Variants in PRUNE1 observed in about 807,000 individuals in gnomAD.
The protein encoded by PRUNE1 is exopolyphosphatase PRUNE1.
A neutral mutation model predicts 42.5 loss-of-function variants in PRUNE1; 25 were observed. The observed-to-expected ratio is 0.59, with a 90% CI of 0.43 to 0.82. PRUNE1 has a LOEUF of 0.82. PRUNE1 is among the 40% of genes least tolerant of loss of function. The probability of loss-of-function intolerance (pLI) is 0.00; values close to 1 mark genes in which losing one functional copy is unlikely to be tolerated. For missense variants in PRUNE1, 443 were observed against 539.3 expected (o/e 0.82, Z 1.77); for synonymous variants, 203 against 217.1 (o/e 0.93, Z 0.57).
intron 7 of PRUNE1, among the ~76,000 whole-genome samples, chr1:151,029,563 T>G (rs587696278): frequency 1.2e-3 from 187 of 151,564 alleles, no homozygotes; most frequent in African/African-American, 4.3e-3. Flanking sequence ...GAGACGGGGT[T>G]TCACCGTGTT....
chr1:151,024,186 C>CA (rs34553676), intron 3 of PRUNE1, among the ~76,000 whole-genome samples: 3,623 of 108,368 alleles, frequency 0.033, 81 homozygotes, highest in South Asian at 0.1. Flanking sequence ...GACTCCGTCT[C>CA]AAAAAAAAAA....
At chr1:151,013,275 A>C (rs1259683733) in intron 1 of PRUNE1, among the ~76,000 whole-genome samples, 1 of 152,180 alleles carries the variant, frequency 6.6e-6, no homozygotes, top group Non-Finnish European at 1.5e-5. Flanking sequence ...CCGGGGTGAC[A>C]GTGGGTGTTG....
chr1:151,024,802 G>A lies in PRUNE1; in HGVS notation c.520+7G>A. The A allele has an allele frequency of 6.2e-7, 1 of 1,604,700 alleles. No homozygotes were observed. The highest frequency in any genetic ancestry group is 1.3e-5 in the African/African-American group (1 of 74,898). On this transcript the variant is annotated splice_region_variant and intron_variant, in intron 4 of 7. Coordinates refer to ENST00000271620, the MANE Select transcript of PRUNE1 (RefSeq NM_021222.3). ...ACTGCAGCCCTTCTGCATGGTAAGG[G>A]TGGCTTTTGGATTGGGACCTCAGTA...
At chr1:151,025,733 G>A (rs1470239046) in intron 5 of PRUNE1, 60 bp downstream of exon 5, 1 of 1,459,842 alleles carries the variant, frequency 6.9e-7, no homozygotes, top group Non-Finnish European at 9.2e-7. Context: ...GGCAAGCCTT[G>A]TTCATTATAT....
At chr1:151,008,861 T>G (rs910039769) in intron 1 of PRUNE1, 190 bp downstream of exon 1, 3 of 754,286 alleles carry the variant, frequency 4.0e-6, no homozygotes, top group Non-Finnish European at 6.9e-6. Context: ...AGCGTGAGAA[T>G]GCTGCTTGTT....
chr1:151,023,598 C>T (rs1254985202), intron 3 of PRUNE1, among the ~76,000 whole-genome samples: 1 of 150,938 alleles, frequency 6.6e-6, no homozygotes, highest in African/African-American at 2.4e-5. Flanking sequence ...GGCGCCTGTA[C>T]TCCCAGCTAC....
chr1:151,017,637 C>T (rs1482337865), intron 1 of PRUNE1, among the ~76,000 whole-genome samples, 175 bp from the exon 2 acceptor site: 2 of 151,780 alleles, frequency 1.3e-5, no homozygotes, highest in East Asian at 1.9e-4. Context: ...TCAGGAGGAT[C>T]GACTGAACCT....
chr1:151,017,059 C>T (rs1674145197), intron 1 of PRUNE1, among the ~76,000 whole-genome samples: 2 of 141,724 alleles, frequency 1.4e-5, no homozygotes, highest in South Asian at 4.4e-4. Context: ...ACTTGTGAGG[C>T]TGAGGCATGA....
At chr1:151,028,276 G>A (rs760621692) in intron 6 of PRUNE1, among the ~76,000 whole-genome samples, 5 of 152,082 alleles carry the variant, frequency 3.3e-5, no homozygotes, top group Admixed American at 6.6e-5. Flanking sequence ...GTCTTATTCT[G>A]TTGCCCAGGA....
chr1:151,031,193 G>T (rs11204763), intron 7 of PRUNE1, among the ~76,000 whole-genome samples: 93,291 of 119,694 alleles, frequency 0.78, 38,199 homozygotes, highest in Non-Finnish European at 0.9. Context: ...GTGTGTGTGT[G>T]TTTTTTTTTT....
intron 7 of PRUNE1, among the ~76,000 whole-genome samples, chr1:151,033,558 T>C (rs901778254): frequency 1.2e-4 from 18 of 149,972 alleles, no homozygotes; most frequent in Non-Finnish European, 2.9e-5. Flanking sequence ...GCCCGGCTAA[T>C]TTTTTGTATT....
At chr1:151,013,052 C>G (rs1407149439) in intron 1 of PRUNE1, among the ~76,000 whole-genome samples, 3 of 152,120 alleles carry the variant, frequency 2.0e-5, no homozygotes, top group African/African-American at 7.2e-5. Context: ...TGTGAGCCAC[C>G]GCGCTCGGCC....
chr1:151,022,359 C>T (rs2102919769), intron 3 of PRUNE1, among the ~76,000 whole-genome samples: 1 of 152,074 alleles, frequency 6.6e-6, no homozygotes. Flanking sequence ...ATCCGCCCGC[C>T]TCAGCCTCCC....
chr1:151,028,642 T>G, intron 6 of PRUNE1, 144 bp from the exon 7 acceptor site: 1 of 772,936 alleles, frequency 1.3e-6, no homozygotes, highest in Non-Finnish European at 2.1e-6. Flanking sequence ...TAGGCTGGTC[T>G]CGAACTCCTG....
intron 7 of PRUNE1, among the ~76,000 whole-genome samples, chr1:151,031,774 CA>C (rs2102944229): frequency 6.6e-6 from 1 of 152,196 alleles, no homozygotes; most frequent in South Asian, 2.1e-4. Flanking sequence ...CATCCTAGTT[CA>C]AGTTCTTGAG....
At chr1:151,015,633 CAAAA>C (rs34251388) in intron 1 of PRUNE1, among the ~76,000 whole-genome samples, 7 of 86,898 alleles carry the variant, frequency 8.1e-5, no homozygotes, top group African/African-American at 9.3e-5. Flanking sequence ...GACTCCATCT[CAAAA>C]AAAAAAAAAA....
At position 151,027,265 on chromosome 1, in the gene PRUNE1, C is replaced by T. The variant is rs370020023; in HGVS notation, c.712C>T (p.Gln238Ter). 13 of 1,611,326 alleles carry T rather than the reference C, an allele frequency of 8.1e-6. No homozygotes were observed. The highest frequency in any genetic ancestry group is 1.3e-5 in the African/African-American group (1 of 74,836). Residue 238 changes from glutamine (Q) to a stop codon, truncating the protein, a stop_gained, in exon 6 of 8, where the codon CAG (glutamine) becomes TAG (stop). Coordinates refer to ENST00000271620, the MANE Select transcript of PRUNE1 (RefSeq NM_021222.3). LOFTEE classifies it high-confidence loss of function. The part of the protein sequence containing the change: ...LTTEQMLRKD[Q>*]KTIYRQGVKV... ...CACTGAGCAGATGCTGAGAAAAGACCAGAAGACTATCTATAGACAAGGCGT... is the reference window on the plus strand; with the variant it reads ...CACTGAGCAGATGCTGAGAAAAGACTAGAAGACTATCTATAGACAAGGCGT...
chr1:151,032,667 T>C (rs914684584), intron 7 of PRUNE1, among the ~76,000 whole-genome samples: 1 of 150,356 alleles, frequency 6.7e-6, no homozygotes, highest in Admixed American at 6.6e-5. Context: ...TGAACTGAGA[T>C]TGCACCACTG....
chr1:151,018,773 T>G (rs1674251455), intron 3 of PRUNE1, 104 bp downstream of exon 3: 1 of 1,084,850 alleles, frequency 9.2e-7, no homozygotes, highest in Non-Finnish European at 1.3e-6. Context: ...CTGGGCATGG[T>G]GGCTCATGCC....
Sources: allele counts gnomAD v4.1 joint callset (sites outside exome capture counted in the v4.1 genomes callset), GRCh38; gene constraint gnomAD v4.1.1; transcripts MANE v1.5; gene names NCBI Gene and HGNC (gene_info 2026-07-23, HGNC 2026-07-21).